PHF8: variants seen among roughly 807,000 people sequenced by gnomAD.
The protein encoded by PHF8 is PHD finger protein 8.
A neutral mutation model predicts 74.4 loss-of-function variants in PHF8; 9 were observed. The ratio of observed to expected loss-of-function variants is 0.12; its 90% CI spans 0.07 to 0.21. PHF8 has a LOEUF of 0.21. Ranked by LOEUF, PHF8 falls within the 10% of genes least tolerant of loss-of-function variation. The pLI is 1.00. For missense variants in PHF8, 478 were observed against 816.6 expected (o/e 0.59, Z 5.05); for synonymous variants, 311 against 316.6 (o/e 0.98, Z 0.19).
chrX:54,017,623 G>GAA (rs1557108582), intron 5 of PHF8, 38 bp downstream of exon 5: 1 of 1,116,954 alleles, frequency 9.0e-7, no homozygotes, highest in South Asian at 1.8e-5. Context: ...TGACAGGAAT[G>GAA]AACAATGTTA....
At chrX:53,941,775 T>C (rs113371086) in intron 20 of PHF8, among the ~76,000 whole-genome samples, 15,630 of 111,265 alleles carry the variant, frequency 0.14, 1,245 homozygotes, top group African/African-American at 0.29. Context: ...ATTTAATACT[T>C]GTAAATACCC....
chrX:53,973,141 TGA>T (rs782364520), intron 18 of PHF8, among the ~76,000 whole-genome samples: 1 of 111,417 alleles, frequency 9.0e-6, no homozygotes, highest in Admixed American at 9.6e-5. Flanking sequence ...CTCAAGGAAA[TGA>T]GAGAGGACAC....
chrX:54,041,888 G>A (rs1209686760), intron 2 of PHF8, among the ~76,000 whole-genome samples: 2 of 112,528 alleles, frequency 1.8e-5, no homozygotes, highest in Non-Finnish European at 3.8e-5. Flanking sequence ...CTTGTGCATG[G>A]TCACTCTGAA....
intron 13 of PHF8, chrX:53,993,158 C>T (rs935992083): frequency 5.8e-6 from 2 of 342,763 alleles, no homozygotes; most frequent in Non-Finnish European, 1.0e-5. Context: ...CAAGGACCTG[C>T]TCAAGACTAC....
intron 2 of PHF8, among the ~76,000 whole-genome samples, chrX:54,034,202 A>T (rs1603343433): frequency 8.9e-6 from 1 of 111,928 alleles, no homozygotes; most frequent in Non-Finnish European, 1.9e-5. Context: ...ACAGGACTAC[A>T]ACAAAAGACA....
intron 11 of PHF8, chrX:53,999,554 C>T (rs1269422888): frequency 4.2e-6 from 1 of 238,436 alleles, no homozygotes; most frequent in East Asian, 1.0e-4. Context: ...TTAAAATGCA[C>T]ATAAAAAAGA....
At chrX:53,943,001 C>T in intron 20 of PHF8, 3 of 768,589 alleles carry the variant, frequency 3.9e-6, no homozygotes, top group Non-Finnish European at 4.6e-6. Flanking sequence ...CTCCCTGGCC[C>T]CTACCAGAAG....
chrX:54,037,157 T>C (rs953545424), intron 2 of PHF8, among the ~76,000 whole-genome samples: 6 of 111,748 alleles, frequency 5.4e-5, no homozygotes, highest in Non-Finnish European at 7.5e-5. Flanking sequence ...AAAAAGTCAA[T>C]GAAACAAAAA....
chrX:54,016,871 T>G (rs1436970285), intron 5 of PHF8, 135 bp from the exon 6 acceptor site: 22 of 521,536 alleles, frequency 4.2e-5, no homozygotes, highest in African/African-American at 3.9e-4. Context: ...ATGTGTGTGT[T>G]TGTTTGGGGG....
Position 53,997,904 on chromosome X carries a change from A to G in PHF8, c.1233+1966T>C, listed in dbSNP as rs1379938922. ...GAAGGCTCAAAATATGAAATCCAAGAATATCCGAGGGGAAGGTTGGCAACA... is the reference window on the plus strand; with the variant it reads ...GAAGGCTCAAAATATGAAATCCAAGGATATCCGAGGGGAAGGTTGGCAACA... On this transcript the variant is annotated intron_variant, in intron 11 of 21. Transcript: ENST00000338154. 1.4e-4 allele frequency among the ~76,000 whole-genome samples: 16 copies of G among 111,577 alleles called. No homozygotes were observed. The Admixed American group carries it at 1.5e-3, about 11-fold the overall frequency.
At chrX:53,984,608 C>A (rs1462328089) in intron 18 of PHF8, among the ~76,000 whole-genome samples, 1 of 111,585 alleles carries the variant, frequency 9.0e-6, no homozygotes, top group Non-Finnish European at 1.9e-5. Context: ...AAAAGAGTCA[C>A]CAGCGGTAAA....
chrX:53,946,236 G>GA (rs1486751982), intron 19 of PHF8, among the ~76,000 whole-genome samples: 1 of 112,082 alleles, frequency 8.9e-6, no homozygotes, highest in African/African-American at 3.2e-5. Flanking sequence ...ACCTCAAGAA[G>GA]AAAAAACTTA....
rs781843685 is a variant in PHF8, at chrX:53,962,699, G to C, written c.2539+145C>G. On this transcript the variant is annotated intron_variant, in intron 19 of 21. Transcript: ENST00000338154. The stretch of plus-strand genomic sequence containing the variant: ...AGCTCCAGAACCTAACACAGTGCCT[G>C]ACACACAGCAGACACTCAACAAATG... The C allele has an allele frequency of 9.8e-6, 5 of 508,470 alleles. No individual in the cohort carries two copies. The South Asian group carries it at 1.3e-4, about 13-fold the overall frequency. The allele number at this position is 508,470 out of a possible 1,213,427, so 41.9% of individuals were successfully genotyped here.
intron 2 of PHF8, among the ~76,000 whole-genome samples, chrX:54,028,909 T>G (rs1202623435): frequency 1.5e-4 from 17 of 112,255 alleles, no homozygotes; most frequent in African/African-American, 5.5e-4. Context: ...TGTGGGATCT[T>G]GGACAAGTTA....
intron 2 of PHF8, among the ~76,000 whole-genome samples, chrX:54,041,261 G>A (rs782251397): frequency 9.2e-6 from 1 of 109,192 alleles, no homozygotes; most frequent in Admixed American, 9.9e-5. Flanking sequence ...GCGTGCACCT[G>A]TAATCCCAGC....
In PHF8 at chrX:54,044,007, T is replaced by G; in HGVS notation, c.-338A>C. 2 of 754,719 alleles carry G rather than the reference T, an allele frequency of 2.6e-6. No individual in the cohort carries two copies. Among genetic ancestry groups the G allele is most frequent in the Non-Finnish European group, 3.1e-6 (2 of 639,286 alleles). The allele number at this position is 754,719 out of a possible 1,213,427, so 62.2% of individuals were successfully genotyped here. A position where few individuals can be genotyped will look rare whatever the true frequency, so the allele number is the denominator to read the frequency against. On this transcript the variant is annotated 5_prime_UTR_variant, in exon 1 of 22. Coordinates refer to ENST00000338154, the MANE Select transcript of PHF8 (RefSeq NM_015107.3). ...CGACGCGCGTCGAATTCTGGGATAG[T>G]CCCCGTACCGCCGGGAACCTCGCTC... is the stretch of plus-strand genomic sequence containing the variant.
upstream of PHF8, chrX:54,044,840 G>A: frequency 8.9e-7 from 1 of 1,124,242 alleles, no homozygotes; most frequent in Non-Finnish European, 1.2e-6. Flanking sequence ...GGCGGCGGGG[G>A]CGGGCTTCAG....
intron 19 of PHF8, among the ~76,000 whole-genome samples, chrX:53,952,699 C>G (rs902350419): frequency 9.3e-6 from 1 of 107,169 alleles, no homozygotes; most frequent in Non-Finnish European, 1.9e-5. Flanking sequence ...CTGGCTAACA[C>G]GGTGAAACCT....
intron 14 of PHF8, among the ~76,000 whole-genome samples, chrX:53,989,019 T>A (rs1271836850): frequency 9.2e-6 from 1 of 108,278 alleles, no homozygotes; most frequent in African/African-American, 3.4e-5. Context: ...TGGAGTACAG[T>A]GGCATGATCT....
Sources: gnomAD v4.1 joint callset for allele counts (sites outside exome capture counted in the v4.1 genomes callset) on GRCh38, gnomAD v4.1.1 for gene constraint, MANE v1.5 for transcripts, NCBI Gene and HGNC (gene_info 2026-07-23, HGNC 2026-07-21) for gene names.